The following LY6S variants were observed in gnomAD, a reference collection of about 807,000 sequenced individuals.
LY6S encodes the protein lymphocyte antigen 6 family member S.
At chr8:143,058,820 T>G in the LY6S span, among the ~76,000 whole-genome samples, 2 of 152,208 alleles carry the variant, frequency 1.3e-5, no homozygotes, top group African/African-American at 4.8e-5. Flanking sequence ...GCATTACTGC[T>G]AGACCAAGGA....
chr8:143,058,394 A>T, the LY6S span, among the ~76,000 whole-genome samples: 2 of 152,232 alleles, frequency 1.3e-5, no homozygotes, highest in South Asian at 2.1e-4. Flanking sequence ...TTGCGTGTCC[A>T]CTGGACAGGG....
chr8:143,063,603 C>T, the LY6S span, among the ~76,000 whole-genome samples: 5 of 152,240 alleles, frequency 3.3e-5, no homozygotes, highest in African/African-American at 1.2e-4. Context: ...GTCCAGTCTG[C>T]ATGTGGCAGG....
chr8:143,066,471 G>T, the LY6S span: 2 of 230,302 alleles, frequency 8.7e-6, no homozygotes, highest in South Asian at 1.3e-4. Flanking sequence ...CTCAAATGAT[G>T]AATTTCTTAA....
chr8:143,052,108 C>T, the LY6S span, among the ~76,000 whole-genome samples: 8 of 151,954 alleles, frequency 5.3e-5, no homozygotes, highest in Non-Finnish European at 4.4e-5. Flanking sequence ...GGTGAAACCC[C>T]GTCTCTACTA....
the LY6S span, among the ~76,000 whole-genome samples, chr8:143,073,344 T>A: frequency 7.5e-6 from 1 of 133,780 alleles, no homozygotes; most frequent in Non-Finnish European, 1.6e-5. Flanking sequence ...GGTTCCTGTT[T>A]GAGGAGACAG....
chr8:143,042,924 C>T, the LY6S span: 5 of 1,117,458 alleles, frequency 4.5e-6, no homozygotes, highest in Non-Finnish European at 6.3e-6. Context: ...GCCCAGAGGA[C>T]AAGGAGTTTA....
chr8:143,070,435 ATATATATATTG>A, the LY6S span, among the ~76,000 whole-genome samples: 1,181 of 90,716 alleles, frequency 0.013, 37 homozygotes, highest in South Asian at 0.028. Context: ...TATATATATT[ATATATATATTG>A]TATATATATA....
the LY6S span, among the ~76,000 whole-genome samples, chr8:143,070,476 A>ATATATATAATATATATATAAT: frequency 1.3e-5 from 1 of 76,942 alleles, no homozygotes; most frequent in African/African-American, 7.7e-5. Flanking sequence ...TATATATATA[A>ATATATATAATATATATATAAT]ATATATATAT....
chr8:143,076,272 G>A, the LY6S span, among the ~76,000 whole-genome samples: 2 of 152,200 alleles, frequency 1.3e-5, no homozygotes, highest in Admixed American at 6.5e-5. Context: ...CAGGGAGTGA[G>A]GGGCCAGAGT....
At chr8:143,054,456 C>T in the LY6S span, among the ~76,000 whole-genome samples, 1 of 152,154 alleles carries the variant, frequency 6.6e-6, no homozygotes, top group Non-Finnish European at 1.5e-5. Context: ...TGCACAAAAC[C>T]TTTCACTTAC....
the LY6S span, among the ~76,000 whole-genome samples, chr8:143,070,972 G>A: frequency 6.6e-6 from 1 of 151,800 alleles, no homozygotes; most frequent in South Asian, 2.1e-4. Flanking sequence ...ATTGATCAGA[G>A]TGTGGTGGGG....
chr8:143,074,721 T>C, the LY6S span, among the ~76,000 whole-genome samples: 2 of 152,360 alleles, frequency 1.3e-5, no homozygotes, highest in African/African-American at 2.4e-5. Context: ...TCTGCTTCTA[T>C]TGAATAGCTT....
the LY6S span, among the ~76,000 whole-genome samples, chr8:143,070,449 TA>T: frequency 8.0e-5 from 2 of 25,032 alleles, no homozygotes; most frequent in Non-Finnish European, 7.1e-5. Flanking sequence ...ATATATTGTA[TA>T]TATATATATA....
the LY6S span, chr8:143,066,152 C>CTTTTCTTTTCTTTTCTT: frequency 9.9e-6 from 3 of 303,252 alleles, no homozygotes; most frequent in Admixed American, 4.5e-5. Context: ...TGATGAATTT[C>CTTTTCTTTTCTTTTCTT]TTTTCTTTTC....
At chr8:143,051,312 G>A in the LY6S span, among the ~76,000 whole-genome samples, 3 of 152,054 alleles carry the variant, frequency 2.0e-5, no homozygotes, top group African/African-American at 2.4e-5. Context: ...AGGCCAAGGC[G>A]AGCGGATCAT....
chr8:143,054,671 TC>T, the LY6S span, among the ~76,000 whole-genome samples: 1 of 152,006 alleles, frequency 6.6e-6, no homozygotes, highest in East Asian at 1.9e-4. Context: ...CGCTTACAGC[TC>T]CCCCCATCTA....
chr8:143,047,777 C>A, the LY6S span: 2 of 152,060 alleles, frequency 1.3e-5, no homozygotes, highest in African/African-American at 2.4e-5. Context: ...AGGACCCCCC[C>A]AGAACATGCT....
At chr8:143,047,230 C>T in the LY6S span, among the ~76,000 whole-genome samples, 1 of 151,446 alleles carries the variant, frequency 6.6e-6, no homozygotes, top group Admixed American at 6.6e-5. Flanking sequence ...ACCTCTGCCT[C>T]CCGGGTTCAA....
chr8:143,058,820 T>C, the LY6S span, among the ~76,000 whole-genome samples: 1 of 152,208 alleles, frequency 6.6e-6, no homozygotes, highest in Non-Finnish European at 1.5e-5. Flanking sequence ...GCATTACTGC[T>C]AGACCAAGGA....
Sources: gnomAD v4.1 joint callset for allele counts (sites outside exome capture counted in the v4.1 genomes callset) on GRCh38, gnomAD v4.1.1 for gene constraint, MANE v1.5 for transcripts, NCBI Gene and HGNC (gene_info 2026-07-23, HGNC 2026-07-21) for gene names.